MSI2: variants seen among roughly 807,000 people sequenced by gnomAD.
MSI2 encodes RNA-binding protein Musashi homolog 2.
A neutral mutation model predicts 45.6 loss-of-function variants in MSI2; 17 were observed. The observed-to-expected ratio is 0.37, with a 90% CI of 0.26 to 0.56. The LOEUF is 0.56. Among genes scored for constraint, MSI2 ranks in the 20% least tolerant of loss-of-function variants. The pLI is 0.77. For missense variants in MSI2, 293 were observed against 444.2 expected (o/e 0.66, Z 3.06); for synonymous variants, 156 against 158.2 (o/e 0.99, Z 0.11).
chr17:57,634,104 T>G (rs1327790778), intron 10 of MSI2, among the ~76,000 whole-genome samples: 1 of 152,216 alleles, frequency 6.6e-6, no homozygotes, highest in Non-Finnish European at 1.5e-5. Context: ...GCTTTTGGGC[T>G]ACCCAAGGGA....
At chr17:57,648,234 C>T (rs943374748) in intron 10 of MSI2, among the ~76,000 whole-genome samples, 1 of 150,648 alleles carries the variant, frequency 6.6e-6, no homozygotes, top group Non-Finnish European at 1.5e-5. Flanking sequence ...GAACTCCTGA[C>T]CTCAAGTTAT....
intron 5 of MSI2, among the ~76,000 whole-genome samples, chr17:57,333,542 A>G (rs1248588033): frequency 6.6e-6 from 1 of 151,020 alleles, no homozygotes; most frequent in Non-Finnish European, 1.5e-5. Flanking sequence ...GGTTCAAGCG[A>G]TTCTCCTGCA....
chr17:57,495,792 C>G (rs1368939078), intron 6 of MSI2, among the ~76,000 whole-genome samples: 5 of 152,198 alleles, frequency 3.3e-5, no homozygotes, highest in Non-Finnish European at 7.3e-5. Context: ...TCCCAGCGCC[C>G]TGAGTGAGGA....
chr17:57,665,565 C>T (rs747838575), intron 11 of MSI2, among the ~76,000 whole-genome samples: 1 of 152,132 alleles, frequency 6.6e-6, no homozygotes, highest in Non-Finnish European at 1.5e-5. Context: ...TTGTGTGGGT[C>T]CTCAAGGGGC....
At chr17:57,420,963 A>G (rs1455920061) in intron 6 of MSI2, among the ~76,000 whole-genome samples, 1 of 152,180 alleles carries the variant, frequency 6.6e-6, no homozygotes, top group Non-Finnish European at 1.5e-5. Context: ...CATCTCACAG[A>G]TGTTTGTCTA....
rs574079564 is a variant in MSI2, at chr17:57,588,695, C to T, written c.455-8173C>T. ...GGATGACCATATCTTTCCCCACTCTCTCCTTGCCCTCTGTCTGCCGGATTG... is the reference window on the plus strand; with the variant it reads ...GGATGACCATATCTTTCCCCACTCTTTCCTTGCCCTCTGTCTGCCGGATTG... On this transcript the variant is annotated intron_variant, in intron 7 of 13. Coordinates refer to ENST00000284073, the MANE Select transcript of MSI2 (RefSeq NM_138962.4). 2.6e-5 allele frequency among the ~76,000 whole-genome samples: 4 copies of T among 152,352 alleles called. No individual in the cohort carries two copies. In the East Asian group the frequency reaches 7.7e-4, roughly 29 times the overall value.
At chr17:57,288,926 C>A (rs1270128109) in intron 5 of MSI2, among the ~76,000 whole-genome samples, 1 of 152,166 alleles carries the variant, frequency 6.6e-6, no homozygotes, top group Non-Finnish European at 1.5e-5. Flanking sequence ...CAGTAGCAAT[C>A]CCTCCCTGGT....
intron 7 of MSI2, among the ~76,000 whole-genome samples, chr17:57,568,925 G>A (rs985354655): frequency 1.5e-4 from 23 of 152,318 alleles, no homozygotes; most frequent in African/African-American, 5.3e-4. Flanking sequence ...GGCTGGTACC[G>A]GGGAGAAGGA....
At chr17:57,381,577 A>G (rs1321560495) in intron 5 of MSI2, among the ~76,000 whole-genome samples, 1 of 152,128 alleles carries the variant, frequency 6.6e-6, no homozygotes, top group Non-Finnish European at 1.5e-5. Flanking sequence ...TGAGGACAAG[A>G]CTGTCGGTGT....
chr17:57,297,545 G>A (rs1209091590), intron 5 of MSI2, among the ~76,000 whole-genome samples: 1 of 152,192 alleles, frequency 6.6e-6, no homozygotes, highest in East Asian at 1.9e-4. Context: ...ACTGATCAGG[G>A]TGGTGGTTGC....
chr17:57,362,895 C>T (rs1053722383), intron 5 of MSI2, among the ~76,000 whole-genome samples: 1 of 152,044 alleles, frequency 6.6e-6, no homozygotes, highest in Admixed American at 6.5e-5. Context: ...CTGTTGGAAC[C>T]CTTACGTGTT....
chr17:57,383,432 G>A (rs1303151038), intron 5 of MSI2, among the ~76,000 whole-genome samples: 1 of 152,194 alleles, frequency 6.6e-6, no homozygotes, highest in Non-Finnish European at 1.5e-5. Context: ...CAAGGCGGGT[G>A]GATCACCTGA....
At chr17:57,332,368 T>C (rs1914345478) in intron 5 of MSI2, among the ~76,000 whole-genome samples, 1 of 152,210 alleles carries the variant, frequency 6.6e-6, no homozygotes. Flanking sequence ...CCCAAAGTGC[T>C]GGGGTTACAG....
chr17:57,383,508 A>G (rs933025373), intron 5 of MSI2, among the ~76,000 whole-genome samples: 1 of 152,156 alleles, frequency 6.6e-6, no homozygotes, highest in Non-Finnish European at 1.5e-5. Flanking sequence ...AATACAAAAA[A>G]GAATTAGTGA....
Position 57,393,568 on chromosome 17 carries a change from C to T in MSI2, c.313-7811C>T, listed in dbSNP as rs373324661. Among the ~76,000 whole-genome samples the T allele has an allele frequency of 9.2e-5, 14 of 152,272 alleles. 3 individuals carry two copies. Among genetic ancestry groups the T allele is most frequent in the Admixed American group, 1.3e-4 (2 of 15,302 alleles). ...TTGTTCTATTTTTTGGCTGTTGCTG[C>T]CATGAACACTTGTGTAAAAGTTTTT... On this transcript the variant is annotated intron_variant, in intron 5 of 13. Coordinates refer to ENST00000284073, the MANE Select transcript of MSI2 (RefSeq NM_138962.4).
At chr17:57,651,260 T>A (rs1911123493) in intron 10 of MSI2, among the ~76,000 whole-genome samples, 2 of 152,078 alleles carry the variant, frequency 1.3e-5, no homozygotes, top group Non-Finnish European at 2.9e-5. Context: ...CATTTTTAGA[T>A]AGCATAAGCC....
intron 7 of MSI2, among the ~76,000 whole-genome samples, chr17:57,583,497 T>C (rs902196848): frequency 4.7e-5 from 7 of 149,472 alleles, no homozygotes; most frequent in Non-Finnish European, 8.9e-5. Context: ...TCTTTTTTTT[T>C]TTTTTTTTTT....
intron 6 of MSI2, among the ~76,000 whole-genome samples, chr17:57,413,363 G>A (rs775332014): frequency 4.0e-5 from 6 of 149,908 alleles, no homozygotes; most frequent in Admixed American, 2.0e-4. Context: ...AGTTCCATCC[G>A]GCTACCCCGC....
chr17:57,300,343 C>T (rs184048049), intron 5 of MSI2, among the ~76,000 whole-genome samples: 194 of 152,268 alleles, frequency 1.3e-3, no homozygotes, highest in African/African-American at 4.5e-3. Flanking sequence ...TTCCCAATTA[C>T]ATAAATAATG....
Sources: allele counts gnomAD v4.1 joint callset (sites outside exome capture counted in the v4.1 genomes callset), GRCh38; gene constraint gnomAD v4.1.1; transcripts MANE v1.5; gene names NCBI Gene and HGNC (gene_info 2026-07-23, HGNC 2026-07-21).